Variants in CSMD2 observed in about 807,000 individuals in gnomAD.
The protein encoded by CSMD2 is CUB and Sushi multiple domains 2, also known as CUB and sushi domain-containing protein 2.
In CSMD2, 130 loss-of-function variants were observed where a neutral mutation model predicts 398.5. The ratio of observed to expected loss-of-function variants is 0.33; its 90% CI spans 0.28 to 0.38. The LOEUF is 0.38. Among genes scored for constraint, CSMD2 ranks in the 10% least tolerant of loss-of-function variants. The probability of loss-of-function intolerance (pLI) is 1.00; values close to 1 mark genes in which losing one functional copy is unlikely to be tolerated. For missense variants in CSMD2, 3,829 were observed against 4,764.9 expected (o/e 0.80, Z 5.78); for synonymous variants, 1,828 against 1,908.5 (o/e 0.96, Z 1.10).
chr1:33,649,093 T>C (rs2148957464), intron 28 of CSMD2, among the ~76,000 whole-genome samples: 1 of 152,344 alleles, frequency 6.6e-6, no homozygotes, highest in South Asian at 2.1e-4. Context: ...CCCCCCTGTA[T>C]GCCTGTGCTC....
intron 55 of CSMD2, among the ~76,000 whole-genome samples, chr1:33,552,637 G>C (rs1351967031): frequency 6.6e-6 from 1 of 152,188 alleles, no homozygotes; most frequent in Non-Finnish European, 1.5e-5. Flanking sequence ...ATGCTAAAAC[G>C]TGGATGAACT....
Position 33,624,337 on chromosome 1 carries a change from C to A in CSMD2, c.5625+182G>T, listed in dbSNP as rs1031605154. 6.6e-6 allele frequency among the ~76,000 whole-genome samples: 1 copy of A among 152,170 alleles called. No homozygotes were observed. Among genetic ancestry groups the A allele is most frequent in the Non-Finnish European group, 1.5e-5 (1 of 68,030 alleles). On this transcript the variant is annotated intron_variant, in intron 35 of 70. Transcript: ENST00000373381. The surrounding 1 kb of genome is among the most constrained non-coding windows in gnomAD (Gnocchi z 4.7). ...CCTGCTGTGTTTTCTGCATGGGAGCCACATCTCCACACTTGGACTGAGCCT... is the reference window on the plus strand; with the variant it reads ...CCTGCTGTGTTTTCTGCATGGGAGCAACATCTCCACACTTGGACTGAGCCT...
At chr1:33,582,773 C>T (rs868856988) in intron 47 of CSMD2, among the ~76,000 whole-genome samples, 3 of 152,158 alleles carry the variant, frequency 2.0e-5, no homozygotes, top group Non-Finnish European at 1.5e-5. Flanking sequence ...GTCCGTCTCA[C>T]AGTACACACT....
chr1:34,120,630 C>T (rs992665902), intron 1 of CSMD2, among the ~76,000 whole-genome samples: 17 of 152,124 alleles, frequency 1.1e-4, no homozygotes, highest in Admixed American at 4.6e-4. Flanking sequence ...CTGCACTCTC[C>T]GCCTCCCAGG....
At chr1:34,119,470 A>C (rs978957035) in intron 1 of CSMD2, among the ~76,000 whole-genome samples, 2 of 152,240 alleles carry the variant, frequency 1.3e-5, no homozygotes, top group Admixed American at 6.5e-5. Context: ...AATAGTCAAC[A>C]GAATGGAAAG....
chr1:33,519,450 C>G lies in CSMD2; in HGVS notation c.*53+15G>C. ...TGCTTGTCATGGCCTGTCTTCCTCCCACACCCCTGCTCACCGGCTGCTGGA... is the reference window on the plus strand; with the variant it reads ...TGCTTGTCATGGCCTGTCTTCCTCCGACACCCCTGCTCACCGGCTGCTGGA... On this transcript the variant is annotated intron_variant, in intron 70 of 70. Transcript: ENST00000373381. This position sits in a 1 kb window ranked among gnomAD's most constrained non-coding sequence, Gnocchi z 5.6. The G allele has an allele frequency of 6.5e-7, 1 of 1,528,138 alleles. No individual in the cohort carries two copies. The highest frequency in any genetic ancestry group is 1.1e-5 in the South Asian group (1 of 88,696). 94.7% of individuals were successfully genotyped at this position (1,528,138 alleles called of 1,614,324 possible).
chr1:33,959,458 C>A (rs528195965), intron 3 of CSMD2, among the ~76,000 whole-genome samples: 1 of 152,298 alleles, frequency 6.6e-6, no homozygotes, highest in African/African-American at 2.4e-5. Context: ...TGCGTGTTCT[C>A]GCCCCAGCAG....
In CSMD2 at chr1:34,128,448, CACAG is replaced by C. The variant is rs201209962; in HGVS notation, c.187+36459_187+36462del. On this transcript the variant is annotated intron_variant, in intron 1 of 70. Coordinates refer to ENST00000373381, the MANE Select transcript of CSMD2 (RefSeq NM_001281956.2). Reference sequence around the variant, plus strand: ...CTAACCTTCCTCCTCCCTGAGAAAGCACAGACAGACAGTGAGGGCTCCAAGCCAG... The same window carrying C: ...CTAACCTTCCTCCTCCCTGAGAAAGCACAGACAGTGAGGGCTCCAAGCCAG... 7.3e-3 allele frequency among the ~76,000 whole-genome samples: 1,106 copies of C among 152,354 alleles called. 15 individuals carry two copies. Among genetic ancestry groups the C allele is most frequent in the African/African-American group, 0.024 (1,002 of 41,586 alleles).
intron 15 of CSMD2, among the ~76,000 whole-genome samples, chr1:33,734,964 T>C (rs1646837801): frequency 6.6e-6 from 1 of 152,230 alleles, no homozygotes; most frequent in Non-Finnish European, 1.5e-5. Flanking sequence ...TCTGCTGTCA[T>C]TTTGTTTCAT....
intron 1 of CSMD2, among the ~76,000 whole-genome samples, chr1:34,129,601 G>A (rs1004803769): frequency 2.0e-5 from 3 of 152,168 alleles, no homozygotes; most frequent in Admixed American, 6.5e-5. Flanking sequence ...GCAGTGAGCC[G>A]AGATTGCGCC....
At chr1:33,677,686 T>C (rs1302302807) in intron 25 of CSMD2, among the ~76,000 whole-genome samples, 2 of 151,922 alleles carry the variant, frequency 1.3e-5, no homozygotes, top group African/African-American at 4.8e-5. Context: ...CTATTCACAA[T>C]AGCAAAGACT....
chr1:33,841,900 A>G (rs919055367), intron 6 of CSMD2, among the ~76,000 whole-genome samples: 1 of 152,144 alleles, frequency 6.6e-6, no homozygotes, highest in African/African-American at 2.4e-5. Flanking sequence ...CATGTTATAC[A>G]TGGGGAGGGG....
chr1:33,790,920 G>A (rs1048486841), intron 11 of CSMD2, among the ~76,000 whole-genome samples: 3 of 152,146 alleles, frequency 2.0e-5, no homozygotes, highest in Non-Finnish European at 4.4e-5. Context: ...AATTAGGCAT[G>A]GGGGAGAATG....
rs1286992352 is a variant in CSMD2 at position 33,912,703 on chromosome 1, C to T, written c.920+5391G>A. On this transcript the variant is annotated intron_variant, in intron 5 of 70. Transcript: ENST00000373381. ...CCCTGCCCCCCTACTCTGTGAGCAC[C>T]CCAGTACAGGGGCTGTGCCTGACTC... Among the ~76,000 whole-genome samples the T allele has an allele frequency of 2.0e-5, 3 of 152,182 alleles. No individual in the cohort carries two copies. The East Asian group carries it at 5.8e-4, about 29-fold the overall frequency.
At chr1:33,913,290 C>T (rs1047085673) in intron 5 of CSMD2, among the ~76,000 whole-genome samples, 1 of 152,202 alleles carries the variant, frequency 6.6e-6, no homozygotes. Flanking sequence ...AGACTCTCCC[C>T]ACACTAACCT....
At chr1:33,751,098 A>G (rs1395380908) in intron 13 of CSMD2, among the ~76,000 whole-genome samples, 2 of 152,188 alleles carry the variant, frequency 1.3e-5, no homozygotes, top group Non-Finnish European at 2.9e-5. Flanking sequence ...GGCCAAGGAA[A>G]TTAAGAGGCA....
chr1:33,720,043 G>C lies in CSMD2; in HGVS notation c.3002-3542C>G, dbSNP rs115475185. Reference sequence around the variant, plus strand: ...TATTTCAAATTTCACAGAGTTTTGAGTTTCCTGAGCCATACTGCTGCCTCT... The same window carrying C: ...TATTTCAAATTTCACAGAGTTTTGACTTTCCTGAGCCATACTGCTGCCTCT... On this transcript the variant is annotated intron_variant, in intron 19 of 70. Transcript: ENST00000373381. 3.1e-3 allele frequency among the ~76,000 whole-genome samples: 465 copies of C among 152,308 alleles called. 6 individuals carry two copies. Among genetic ancestry groups the C allele is most frequent in the African/African-American group, 0.011 (449 of 41,558 alleles).
intron 41 of CSMD2, among the ~76,000 whole-genome samples, chr1:33,610,718 G>A (rs994535662): frequency 2.6e-5 from 4 of 152,208 alleles, no homozygotes; most frequent in African/African-American, 7.2e-5. Flanking sequence ...TATCAAGCCC[G>A]AGGGGAAGTG....
intron 49 of CSMD2, among the ~76,000 whole-genome samples, chr1:33,577,003 C>T (rs1638300184): frequency 6.6e-6 from 1 of 152,138 alleles, no homozygotes; most frequent in South Asian, 2.1e-4. Flanking sequence ...CCCAGCTGGC[C>T]AGGAGGAAGC....
Sources: allele counts gnomAD v4.1 joint callset (sites outside exome capture counted in the v4.1 genomes callset), GRCh38; gene constraint gnomAD v4.1.1; non-coding constraint Gnocchi (gnomAD v3.1); transcripts MANE v1.5; gene names NCBI Gene and HGNC (gene_info 2026-07-23, HGNC 2026-07-21).